TLN2: variants seen among roughly 807,000 people sequenced by gnomAD.
TLN2 encodes the protein talin 2.
Under a neutral mutation model 294.7 loss-of-function variants are expected in TLN2, and 118 were observed. The observed-to-expected ratio is 0.40, with a 90% CI of 0.34 to 0.47. The LOEUF (loss-of-function observed/expected upper bound fraction) is 0.47. TLN2 is among the 20% of genes least tolerant of loss of function. The pLI is 0.84. For missense variants in TLN2, 3,083 were observed against 3,282.2 expected, an observed-to-expected ratio of 0.94 and a Z score of 1.48; for synonymous variants, 1,431 against 1,304.5, an observed-to-expected ratio of 1.10 and a Z score of -2.09.
At chr15:62,465,337 T>C (rs2037067420) in intron 1 of TLN2, among the ~76,000 whole-genome samples, 1 of 152,086 alleles carries the variant, frequency 6.6e-6, no homozygotes, top group African/African-American at 2.4e-5. Context: ...ATAATGGGAT[T>C]CCTGTGCGGT....
intron 42 of TLN2, among the ~76,000 whole-genome samples, chr15:62,774,040 G>A (rs781529711): frequency 2.0e-5 from 3 of 151,772 alleles, no homozygotes; most frequent in Non-Finnish European, 2.9e-5. Context: ...TCCCTTCTGC[G>A]GCATCCTTGA....
chr15:62,627,401 T>C (rs1225204585), intron 3 of TLN2, among the ~76,000 whole-genome samples: 1 of 152,222 alleles, frequency 6.6e-6, no homozygotes, highest in East Asian at 1.9e-4. Context: ...TTGGTGAATT[T>C]TGGGGGCTAG....
intron 13 of TLN2, among the ~76,000 whole-genome samples, chr15:62,694,025 G>A (rs976676288): frequency 1.4e-4 from 21 of 147,596 alleles, no homozygotes; most frequent in Admixed American, 3.4e-4. Context: ...CTGGAGTGCA[G>A]TGGCGCTGTC....
chr15:62,457,842 C>G (rs1261288731), intron 1 of TLN2, among the ~76,000 whole-genome samples: 1 of 152,190 alleles, frequency 6.6e-6, no homozygotes. Context: ...TTCAGGTCCC[C>G]TCTGCTGTGT....
At position 62,482,524 on chromosome 15, in the gene TLN2, A is replaced by C. The variant is rs186291934; in HGVS notation, c.-238+91839A>C. On this transcript the variant is annotated intron_variant, in intron 1 of 58. Coordinates refer to ENST00000636159, the MANE Select transcript of TLN2 (RefSeq NM_015059.3). ...GGGGGGAGGCAGGAGAATCGCTTGAACTGGGGAGGCAGAGTTGTGGTGAGC... is the reference window on the plus strand; with the variant it reads ...GGGGGGAGGCAGGAGAATCGCTTGACCTGGGGAGGCAGAGTTGTGGTGAGC... Among the ~76,000 whole-genome samples, 466 of 149,950 alleles carry C rather than the reference A, an allele frequency of 3.1e-3. 3 individuals carry two copies. Among genetic ancestry groups the C allele is most frequent in the African/African-American group, 0.011 (451 of 40,374 alleles).
intron 1 of TLN2, among the ~76,000 whole-genome samples, chr15:62,518,395 AG>A (rs2040290104): frequency 6.6e-6 from 1 of 152,160 alleles, no homozygotes; most frequent in Non-Finnish European, 1.5e-5. Flanking sequence ...GAGAAGTAGG[AG>A]GAGCGTAGGT....
At chr15:62,607,992 C>T (rs1418633636) in intron 2 of TLN2, among the ~76,000 whole-genome samples, 1 of 152,188 alleles carries the variant, frequency 6.6e-6, no homozygotes, top group Non-Finnish European at 1.5e-5. Flanking sequence ...CTCTCTCTGA[C>T]ATTTTTGTTA....
At chr15:62,631,518 C>CTTTCTTCCT (rs750976377) in intron 3 of TLN2, among the ~76,000 whole-genome samples, 7 of 89,646 alleles carry the variant, frequency 7.8e-5, no homozygotes, top group African/African-American at 3.2e-4. Context: ...TTCTTTCTTT[C>CTTTCTTCCT]TTCCTTTCCT....
rs765091046 is a variant in TLN2, at chr15:62,755,600, A to G, written c.4545A>G (p.Ser1515=). The G allele has an allele frequency of 6.2e-7, 1 of 1,614,192 alleles. No homozygotes were observed. Among genetic ancestry groups the G allele is most frequent in the Non-Finnish European group, 8.5e-7 (1 of 1,180,022 alleles). The stretch of plus-strand genomic sequence containing the variant: ...TGTGCAATGCCTGCCGCATCGCCTC[A>G]TCCAAGACGGCCAACCCAGTAGCCA... ...SALCNACRIA[S]SKTANPVAKR... is the part of the protein sequence containing the mutation. The change falls in exon 37 of 59, where the codon TCA becomes TCG. Residue 1515 remains serine, a synonymous_variant. Coordinates refer to ENST00000636159, the MANE Select transcript of TLN2 (RefSeq NM_015059.3).
chr15:62,648,024 A>G (rs997873062), intron 4 of TLN2, among the ~76,000 whole-genome samples: 3 of 152,084 alleles, frequency 2.0e-5, no homozygotes, highest in African/African-American at 4.8e-5. Context: ...TCTTCTCTCA[A>G]TTTGTCTTTC....
At position 62,816,903 on chromosome 15, in the gene TLN2, C is replaced by T. The variant is rs142760050; in HGVS notation, c.6772-2613C>T. ...TTTGCAATTAAGTGGTGACAAATGCCACCATCTAAGTCTAGAGCAGTGGTT... is the reference window on the plus strand; with the variant it reads ...TTTGCAATTAAGTGGTGACAAATGCTACCATCTAAGTCTAGAGCAGTGGTT... On this transcript the variant is annotated intron_variant, in intron 52 of 58. Coordinates refer to ENST00000636159, the MANE Select transcript of TLN2 (RefSeq NM_015059.3). 3.6e-3 allele frequency among the ~76,000 whole-genome samples: 551 copies of T among 152,266 alleles called. 2 individuals are homozygous for T. Among genetic ancestry groups the T allele is most frequent in the Admixed American group, 5.5e-3 (84 of 15,288 alleles).
intron 1 of TLN2, among the ~76,000 whole-genome samples, chr15:62,490,743 A>G (rs2038661336): frequency 6.6e-6 from 1 of 151,994 alleles, no homozygotes; most frequent in Non-Finnish European, 1.5e-5. Flanking sequence ...CACTTTTTCT[A>G]CACAAGTCCT....
At chr15:62,452,548 A>G (rs987751587) in intron 1 of TLN2, among the ~76,000 whole-genome samples, 1 of 152,136 alleles carries the variant, frequency 6.6e-6, no homozygotes, top group Admixed American at 6.5e-5. Context: ...ACCACCATCC[A>G]TCTCCAGAAC....
At chr15:62,583,318 C>T (rs1596242382) in intron 1 of TLN2, among the ~76,000 whole-genome samples, 1 of 152,120 alleles carries the variant, frequency 6.6e-6, no homozygotes, top group African/African-American at 2.4e-5. Flanking sequence ...CCAAAGGAGA[C>T]CCTCTGTGTT....
In TLN2 at chr15:62,829,934, C is replaced by T. The variant is rs140141845; in HGVS notation, c.7003-3570C>T. 22 of 152,294 alleles carry T rather than the reference C, an allele frequency of 1.4e-4. 1 individual carries two copies. The East Asian group carries it at 4.3e-3, about 29-fold the overall frequency. 9.4% of individuals were successfully genotyped at this position (152,294 alleles called of 1,614,324 possible). On this transcript the variant is annotated intron_variant, in intron 54 of 58. Transcript: ENST00000636159. ...GGCTTATTTCACTTAACATAAGGAT[C>T]TCCAGTTCTAGCCATGTGGTTGCAA...
intron 1 of TLN2, among the ~76,000 whole-genome samples, chr15:62,474,498 C>A (rs918992944): frequency 3.9e-5 from 6 of 151,926 alleles, no homozygotes; most frequent in African/African-American, 1.5e-4. Context: ...AATAATTAGC[C>A]AGGTGTGGCA....
intron 1 of TLN2, among the ~76,000 whole-genome samples, chr15:62,426,936 A>G (rs1030095996): frequency 2.0e-5 from 3 of 152,292 alleles, no homozygotes; most frequent in Non-Finnish European, 2.9e-5. Context: ...CTGCATTTTT[A>G]TTAGTAACAA....
intron 53 of TLN2, among the ~76,000 whole-genome samples, 163 bp from the exon 54 acceptor site, chr15:62,820,323 C>A (rs1163224405): frequency 7.5e-6 from 1 of 134,132 alleles, no homozygotes; most frequent in Non-Finnish European, 1.6e-5. Context: ...CCCCCACCCC[C>A]ATCCAGATGG....
intron 1 of TLN2, among the ~76,000 whole-genome samples, chr15:62,434,453 T>G: frequency 6.6e-6 from 1 of 152,186 alleles, no homozygotes; most frequent in East Asian, 1.9e-4. Flanking sequence ...TTTTTTTATC[T>G]TTTGCTGATG....
Sources: allele counts gnomAD v4.1 joint callset (sites outside exome capture counted in the v4.1 genomes callset), GRCh38; gene constraint gnomAD v4.1.1; transcripts MANE v1.5; gene names NCBI Gene and HGNC (gene_info 2026-07-23, HGNC 2026-07-21).